The following CCSER1 variants were observed in gnomAD, a reference collection of about 807,000 sequenced individuals.
CCSER1 encodes serine-rich coiled-coil domain-containing protein 1.
A neutral mutation model predicts 82.0 loss-of-function variants in CCSER1; 41 were observed. The observed-to-expected ratio is 0.50, with a 90% CI of 0.39 to 0.65. The LOEUF is 0.65. Ranked by LOEUF, CCSER1 falls within the 30% of genes least tolerant of loss-of-function variation. CCSER1 has a pLI of 0.00. For missense variants in CCSER1, 1,119 were observed against 1,064.2 expected, an observed-to-expected ratio of 1.05 and a Z score of -0.72; for synonymous variants, 414 against 383.9, an observed-to-expected ratio of 1.08 and a Z score of -0.92.
chr4:90,849,870 G>A (rs970910145), intron 8 of CCSER1, among the ~76,000 whole-genome samples: 2 of 151,772 alleles, frequency 1.3e-5, no homozygotes, highest in Admixed American at 1.3e-4. Context: ...ATAAGGAGGT[G>A]AATGTTAATC....
chr4:91,055,215 A>G (rs1250015481), intron 9 of CCSER1, among the ~76,000 whole-genome samples: 1 of 152,186 alleles, frequency 6.6e-6, no homozygotes, highest in Non-Finnish European at 1.5e-5. Flanking sequence ...TTAAACTTAT[A>G]AAACTCTAAT....
chr4:91,555,233 C>A (rs1762345065), intron 10 of CCSER1, among the ~76,000 whole-genome samples: 1 of 151,038 alleles, frequency 6.6e-6, no homozygotes, highest in Non-Finnish European at 1.5e-5. Flanking sequence ...TTGGCCCAGA[C>A]TCACACTACC....
chr4:91,069,038 G>A (rs1034103984), intron 9 of CCSER1, among the ~76,000 whole-genome samples: 1 of 152,056 alleles, frequency 6.6e-6, no homozygotes, highest in African/African-American at 2.4e-5. Context: ...GCTGGGTGCG[G>A]TGGCATGCAC....
intron 9 of CCSER1, among the ~76,000 whole-genome samples, chr4:90,968,631 A>G (rs933637366): frequency 6.6e-6 from 1 of 152,110 alleles, no homozygotes; most frequent in East Asian, 1.9e-4. Flanking sequence ...AGGTACATCC[A>G]TAGAAAAGGT....
Position 90,289,463 on chromosome 4 carries a change from T to C in CCSER1, c.-41-18781T>C, listed in dbSNP as rs147380622. Among the ~76,000 whole-genome samples, 24 of 151,986 alleles carry C rather than the reference T, an allele frequency of 1.6e-4. No individual in the cohort carries two copies. In the East Asian group the frequency reaches 4.5e-3, roughly 28 times the overall value. On this transcript the variant is annotated intron_variant, in intron 1 of 10. Transcript: ENST00000509176. ...ATCTCTGTATAAAGTACACTTGATA[T>C]AGAAGAAAGTGAAAAAGAGAGTTCA...
intron 9 of CCSER1, among the ~76,000 whole-genome samples, chr4:91,026,510 A>G (rs1017999438): frequency 6.6e-6 from 1 of 152,114 alleles, no homozygotes; most frequent in African/African-American, 2.4e-5. Context: ...AGTAATATTC[A>G]TGGTCTTATG....
At chr4:90,609,875 A>G (rs1175750230) in intron 5 of CCSER1, among the ~76,000 whole-genome samples, 1 of 152,140 alleles carries the variant, frequency 6.6e-6, no homozygotes, top group Non-Finnish European at 1.5e-5. Flanking sequence ...TTTACTCCTT[A>G]CTTGGGTGAC....
intron 1 of CCSER1, among the ~76,000 whole-genome samples, chr4:90,136,436 C>A (rs1238529408): frequency 6.6e-6 from 1 of 152,080 alleles, no homozygotes; most frequent in African/African-American, 2.4e-5. Flanking sequence ...AGTGATATAC[C>A]ATTCTTATTA....
At chr4:91,548,613 T>C (rs1762005733) in intron 10 of CCSER1, among the ~76,000 whole-genome samples, 1 of 152,000 alleles carries the variant, frequency 6.6e-6, no homozygotes, top group African/African-American at 2.4e-5. Context: ...TGAAGAATAA[T>C]TTCTCATGGT....
At chr4:91,246,827 T>TAC (rs34278711) in intron 10 of CCSER1, among the ~76,000 whole-genome samples, 31,848 of 144,024 alleles carry the variant, frequency 0.22, 4,152 homozygotes, top group African/African-American at 0.39. Context: ...CATACACACA[T>TAC]ACACACACAC....
chr4:91,572,018 G>T (rs1350153176), intron 10 of CCSER1, among the ~76,000 whole-genome samples: 1 of 152,094 alleles, frequency 6.6e-6, no homozygotes, highest in Non-Finnish European at 1.5e-5. Context: ...GTGGCAGAGA[G>T]GCTTTCAATT....
chr4:90,270,107 C>A (rs1345833079), intron 1 of CCSER1, among the ~76,000 whole-genome samples: 1 of 151,984 alleles, frequency 6.6e-6, no homozygotes, highest in Non-Finnish European at 1.5e-5. Flanking sequence ...AGAGCTAATA[C>A]CAGTCCCACT....
intron 10 of CCSER1, among the ~76,000 whole-genome samples, chr4:91,446,585 G>A (rs1332419291): frequency 1.3e-5 from 2 of 149,708 alleles, no homozygotes; most frequent in East Asian, 3.9e-4. Context: ...TTCTTTGTGT[G>A]TGTGTGTGTG....
chr4:91,154,630 A>G (rs1560473907), intron 10 of CCSER1, among the ~76,000 whole-genome samples: 1 of 152,078 alleles, frequency 6.6e-6, no homozygotes, highest in East Asian at 1.9e-4. Context: ...TGGGAGCTGT[A>G]GACTGGAGCT....
At chr4:91,103,434 C>T (rs1263675876) in intron 10 of CCSER1, among the ~76,000 whole-genome samples, 3 of 152,084 alleles carry the variant, frequency 2.0e-5, no homozygotes, top group Admixed American at 1.3e-4. Flanking sequence ...AAATGCATTT[C>T]TAATTTTTTA....
intron 9 of CCSER1, among the ~76,000 whole-genome samples, chr4:90,978,064 T>C (rs150896528): frequency 1.6e-3 from 242 of 151,712 alleles, no homozygotes; most frequent in Middle Eastern, 3.4e-3. Context: ...TGGATATTCG[T>C]TGATCTACAG....
At chr4:90,881,630 A>G (rs568469318) in intron 8 of CCSER1, among the ~76,000 whole-genome samples, 4 of 152,080 alleles carry the variant, frequency 2.6e-5, no homozygotes, top group South Asian at 4.2e-4. Flanking sequence ...CAACAACAAC[A>G]AAAAATTGGC....
intron 5 of CCSER1, among the ~76,000 whole-genome samples, chr4:90,521,105 C>T (rs1238030315): frequency 2.0e-5 from 3 of 152,054 alleles, no homozygotes; most frequent in Non-Finnish European, 4.4e-5. Context: ...GAAAAATAAA[C>T]ACTCAATTTG....
intron 3 of CCSER1, among the ~76,000 whole-genome samples, chr4:90,390,369 C>T (rs190436044): frequency 6.6e-6 from 1 of 152,230 alleles, no homozygotes. Flanking sequence ...GTCTGAGGTA[C>T]AATAGATCCC....
Sources: gnomAD v4.1 joint callset for allele counts (sites outside exome capture counted in the v4.1 genomes callset) on GRCh38, gnomAD v4.1.1 for gene constraint, MANE v1.5 for transcripts, NCBI Gene and HGNC (gene_info 2026-07-23, HGNC 2026-07-21) for gene names.